Variants in SLC30A9 observed in about 807,000 individuals in gnomAD.
The protein encoded by SLC30A9 is proton-coupled zinc antiporter SLC30A9, mitochondrial.
Under a neutral mutation model 87.5 loss-of-function variants are expected in SLC30A9, and 58 were observed. The ratio of observed to expected loss-of-function variants is 0.66; its 90% CI spans 0.54 to 0.82. SLC30A9 has a LOEUF of 0.82. SLC30A9 is among the 40% of genes least tolerant of loss of function. The pLI is 0.00. For missense variants in SLC30A9, 557 were observed against 679.1 expected (o/e 0.82, Z 2.00); for synonymous variants, 234 against 233.0 (o/e 1.00, Z -0.04).
At chr4:42,072,102 ATTTC>A (rs1247264921) in intron 15 of SLC30A9, among the ~76,000 whole-genome samples, 1 of 152,030 alleles carries the variant, frequency 6.6e-6, no homozygotes, top group Non-Finnish European at 1.5e-5. Context: ...AATCCATTTT[ATTTC>A]TTTAGTGTTG....
At chr4:42,029,351 G>C (rs181921952) in intron 6 of SLC30A9, 1 of 570,608 alleles carries the variant, frequency 1.8e-6, no homozygotes, top group Non-Finnish European at 3.5e-6. Context: ...TGCCTGACTG[G>C]CATCTTCATC....
intron 2 of SLC30A9, among the ~76,000 whole-genome samples, chr4:42,008,839 A>G (rs1157810097): frequency 6.6e-6 from 1 of 152,180 alleles, no homozygotes; most frequent in African/African-American, 2.4e-5. Context: ...TCTTTTTCCT[A>G]AGCCTCATCC....
At chr4:41,991,894 T>C (rs1458358039) in intron 1 of SLC30A9, among the ~76,000 whole-genome samples, 1 of 152,230 alleles carries the variant, frequency 6.6e-6, no homozygotes, top group Non-Finnish European at 1.5e-5. Context: ...ATCTTTTATT[T>C]GCAATAAATG....
chr4:42,057,562 G>A (rs1318488870), intron 9 of SLC30A9, among the ~76,000 whole-genome samples: 5 of 152,118 alleles, frequency 3.3e-5, no homozygotes, highest in South Asian at 2.1e-4. Flanking sequence ...GGGACCCTAG[G>A]CCCAGCCCAC....
intron 2 of SLC30A9, among the ~76,000 whole-genome samples, chr4:42,014,173 A>G (rs933564007): frequency 2.6e-5 from 4 of 152,210 alleles, no homozygotes; most frequent in Admixed American, 6.5e-5. Context: ...AATCAAAACT[A>G]TAATAAGATA....
chr4:42,072,888 A>C (rs1225052113), intron 15 of SLC30A9, among the ~76,000 whole-genome samples: 5 of 146,020 alleles, frequency 3.4e-5, no homozygotes, highest in Non-Finnish European at 7.4e-5. Context: ...ATCTTGGCTC[A>C]CTGGAACCTC....
intron 4 of SLC30A9, among the ~76,000 whole-genome samples, chr4:42,021,710 G>A (rs1715954254): frequency 1.3e-5 from 2 of 151,852 alleles, no homozygotes; most frequent in South Asian, 2.1e-4. Context: ...TTAAGTAGAG[G>A]GATGATATTC....
At chr4:42,035,087 A>G (rs983370051) in intron 6 of SLC30A9, among the ~76,000 whole-genome samples, 188 bp from the exon 7 acceptor site, 1 of 152,124 alleles carries the variant, frequency 6.6e-6, no homozygotes, top group African/African-American at 2.4e-5. Flanking sequence ...TAATCTTTGG[A>G]GAAATGTCTA....
chr4:42,022,941 A>T lies in SLC30A9; in HGVS notation c.527+11A>T. On this transcript the variant is annotated intron_variant, in intron 5 of 17. Coordinates refer to ENST00000264451, the MANE Select transcript of SLC30A9 (RefSeq NM_006345.4). ...AGATGTGGAAGCAAAGTAAGAACATAGTTCTTTCAGAATAAAAGTGCAAAC... is the reference window on the plus strand; with the variant it reads ...AGATGTGGAAGCAAAGTAAGAACATTGTTCTTTCAGAATAAAAGTGCAAAC... 2 of 1,451,182 alleles carry T rather than the reference A, an allele frequency of 1.4e-6. No homozygotes were observed. Among genetic ancestry groups the T allele is most frequent in the Non-Finnish European group, 1.9e-6 (2 of 1,061,196 alleles). 89.9% of individuals were successfully genotyped at this position (1,451,182 alleles called of 1,614,324 possible).
intron 2 of SLC30A9, among the ~76,000 whole-genome samples, chr4:42,011,775 T>G (rs116491637): frequency 5.4e-4 from 83 of 152,296 alleles, no homozygotes; most frequent in African/African-American, 1.9e-3. Flanking sequence ...TCATTAAAAA[T>G]GACAGGGAAT....
At chr4:42,059,327 A>G (rs1162122549) in intron 9 of SLC30A9, among the ~76,000 whole-genome samples, 3 of 152,184 alleles carry the variant, frequency 2.0e-5, no homozygotes. Context: ...TGATTTCTAG[A>G]TTCACATCAA....
intron 7 of SLC30A9, among the ~76,000 whole-genome samples, chr4:42,037,782 T>A (rs1716751811): frequency 6.6e-6 from 1 of 152,190 alleles, no homozygotes; most frequent in Non-Finnish European, 1.5e-5. Flanking sequence ...TGGAATTTTT[T>A]AATATTTTAT....
intron 8 of SLC30A9, among the ~76,000 whole-genome samples, chr4:42,047,904 A>G (rs1717232066): frequency 6.6e-6 from 1 of 152,244 alleles, no homozygotes. Context: ...GCCATAAAAA[A>G]GGATGAGTTC....
intron 8 of SLC30A9, among the ~76,000 whole-genome samples, chr4:42,048,077 G>C (rs773891761): frequency 6.6e-6 from 1 of 151,968 alleles, no homozygotes; most frequent in Non-Finnish European, 1.5e-5. Context: ...GGGCCTATTG[G>C]GGGGTGGGTG....
At chr4:41,991,885 T>A (rs1389535760) in intron 1 of SLC30A9, among the ~76,000 whole-genome samples, 1 of 152,234 alleles carries the variant, frequency 6.6e-6, no homozygotes, top group Non-Finnish European at 1.5e-5. Context: ...TATATTCGTA[T>A]CTTTTATTTG....
intron 6 of SLC30A9, among the ~76,000 whole-genome samples, chr4:42,028,577 T>C (rs1043981325): frequency 2.6e-5 from 4 of 152,250 alleles, no homozygotes; most frequent in Admixed American, 1.3e-4. Context: ...AAACATAAGA[T>C]ATTTAAAGCC....
intron 9 of SLC30A9, among the ~76,000 whole-genome samples, chr4:42,057,303 C>T (rs916968145): frequency 9.9e-5 from 15 of 152,192 alleles, no homozygotes; most frequent in African/African-American, 2.7e-4. Flanking sequence ...ATGAGAGCCC[C>T]GCCTGTGCAG....
chr4:42,035,475 T>A, intron 7 of SLC30A9, 142 bp downstream of exon 7: 1 of 952,272 alleles, frequency 1.1e-6, no homozygotes, highest in Non-Finnish European at 1.5e-6. Context: ...TTATAGTCAA[T>A]TCATTCATTT....
rs552383727 is a variant in SLC30A9, at chr4:41,994,218, A to T, written c.109+3458A>T. 2.0e-5 allele frequency among the ~76,000 whole-genome samples: 3 copies of T among 152,320 alleles called. No homozygotes were observed. The South Asian group carries it at 6.2e-4, about 32-fold the overall frequency. On this transcript the variant is annotated intron_variant, in intron 1 of 17. Coordinates refer to ENST00000264451, the MANE Select transcript of SLC30A9 (RefSeq NM_006345.4). ...ACATGGAAAATACTCTTGTGTTATTAGGTAAAAACTGTAGAAAAATACAGT... is the reference window on the plus strand; with the variant it reads ...ACATGGAAAATACTCTTGTGTTATTTGGTAAAAACTGTAGAAAAATACAGT...
Sources: allele counts gnomAD v4.1 joint callset (sites outside exome capture counted in the v4.1 genomes callset), GRCh38; gene constraint gnomAD v4.1.1; transcripts MANE v1.5; gene names NCBI Gene and HGNC (gene_info 2026-07-23, HGNC 2026-07-21).